DSCAML1: variants seen among roughly 807,000 people sequenced by gnomAD.
DSCAML1 encodes DS cell adhesion molecule like 1.
In DSCAML1, 38 loss-of-function variants were observed where a neutral mutation model predicts 200.5. The ratio of observed to expected loss-of-function variants is 0.19; its 90% CI spans 0.15 to 0.25. DSCAML1 has a LOEUF of 0.25. Among genes scored for constraint, DSCAML1 ranks in the 10% least tolerant of loss-of-function variants. The pLI, the probability that DSCAML1 is intolerant of heterozygous loss-of-function variation, is 1.00. For synonymous variants in DSCAML1, 1,215 were observed against 1,165.0 expected, an observed-to-expected ratio of 1.04 and a Z score of -0.87; for missense variants, 2,223 against 2,858.8, an observed-to-expected ratio of 0.78 and a Z score of 5.07.
chr11:117,656,544 T>TATCTATCTATCTATCTATCTATCC (rs1382846140), intron 3 of DSCAML1, among the ~76,000 whole-genome samples: 1 of 141,316 alleles, frequency 7.1e-6, no homozygotes, highest in African/African-American at 2.6e-5. Flanking sequence ...TCTATCTATC[T>TATCTATCTATCTATCTATCTATCC]ATCCATCCAT....
intron 3 of DSCAML1, among the ~76,000 whole-genome samples, chr11:117,627,473 G>A (rs2052073691): frequency 6.6e-6 from 1 of 152,074 alleles, no homozygotes; most frequent in Non-Finnish European, 1.5e-5. Flanking sequence ...CGGGAGAGGT[G>A]CCCAGTCGCA....
In DSCAML1 at chr11:117,437,168, G is replaced by C; in HGVS notation, c.4674C>G (p.Gly1558=). ...ELRMRACNSA[G]CGNETAQFAT... ...CGAACTGGGCTGTTTCATTGCCGCAGCCCGCACTGTTGCAAGCCCTCATGC... is the reference window on the plus strand; with the variant it reads ...CGAACTGGGCTGTTTCATTGCCGCACCCCGCACTGTTGCAAGCCCTCATGC... The change falls in exon 26 of 33, where the codon GGC becomes GGG. Residue 1558 remains glycine, a synonymous_variant. Transcript: ENST00000651296. The surrounding 1 kb of genome is among the most constrained non-coding windows in gnomAD (Gnocchi z 5.3). 6.2e-7 allele frequency: 1 copy of C among 1,614,170 alleles called. No homozygotes were observed. Among genetic ancestry groups the C allele is most frequent in the East Asian group, 2.2e-5 (1 of 44,886 alleles).
At chr11:117,798,808 C>T (rs1049254162), upstream of DSCAML1, among the ~76,000 whole-genome samples, 1 of 152,106 alleles carries the variant, frequency 6.6e-6, no homozygotes, top group Non-Finnish European at 1.5e-5. Flanking sequence ...TTCAAGGCCA[C>T]CAAGGTTGTA....
chr11:117,536,358 C>T (rs1266162031), intron 3 of DSCAML1, among the ~76,000 whole-genome samples: 2 of 152,212 alleles, frequency 1.3e-5, no homozygotes, highest in Non-Finnish European at 2.9e-5. Context: ...GCTGGCAGCC[C>T]ATGCTCTGCA....
chr11:117,731,456 C>T (rs1040824585), intron 3 of DSCAML1, among the ~76,000 whole-genome samples: 6 of 152,220 alleles, frequency 3.9e-5, no homozygotes, highest in Non-Finnish European at 7.3e-5. Flanking sequence ...TTCTGAACCA[C>T]TGAAGTCATC....
intron 11 of DSCAML1, among the ~76,000 whole-genome samples, chr11:117,492,723 C>T (rs751966813): frequency 1.3e-5 from 2 of 152,128 alleles, no homozygotes; most frequent in Non-Finnish European, 2.9e-5. Context: ...GGGTGGTCGG[C>T]GGGGCGGGTG....
At chr11:117,540,241 G>A (rs1168905540) in intron 3 of DSCAML1, among the ~76,000 whole-genome samples, 1 of 152,174 alleles carries the variant, frequency 6.6e-6, no homozygotes, top group African/African-American at 2.4e-5. Context: ...AGTGGCAGGC[G>A]AGCGAGCATT....
At chr11:117,673,459 T>C (rs564733039) in intron 3 of DSCAML1, among the ~76,000 whole-genome samples, 1 of 152,134 alleles carries the variant, frequency 6.6e-6, no homozygotes, top group South Asian at 2.1e-4. Context: ...TTCATGGGGG[T>C]TTATCCCAAG....
At chr11:117,546,802 C>A (rs376982304) in intron 3 of DSCAML1, among the ~76,000 whole-genome samples, 21 of 152,122 alleles carry the variant, frequency 1.4e-4, no homozygotes, top group East Asian at 1.2e-3. Flanking sequence ...CTTTCTCTAC[C>A]CCAGGATTAG....
intron 3 of DSCAML1, among the ~76,000 whole-genome samples, chr11:117,597,747 C>T (rs1017849154): frequency 2.6e-5 from 4 of 152,156 alleles, no homozygotes; most frequent in Admixed American, 1.3e-4. Flanking sequence ...TGAACCACCA[C>T]ACCTGGCTAA....
At chr11:117,537,267 G>C (rs930824353) in intron 3 of DSCAML1, among the ~76,000 whole-genome samples, 10 of 152,228 alleles carry the variant, frequency 6.6e-5, no homozygotes, top group Non-Finnish European at 1.0e-4. Context: ...AGTGTCTCCA[G>C]GTCTTGGTCT....
At chr11:117,499,232 G>T (rs2049351288) in intron 11 of DSCAML1, among the ~76,000 whole-genome samples, 1 of 152,146 alleles carries the variant, frequency 6.6e-6, no homozygotes. Context: ...TTTTAAAAGG[G>T]AAATAAAAGG....
chr11:117,581,964 C>T (rs978208302), intron 3 of DSCAML1, among the ~76,000 whole-genome samples: 9 of 152,100 alleles, frequency 5.9e-5, no homozygotes, highest in African/African-American at 2.2e-4. Context: ...AGACCCATAC[C>T]AGATCCCTAG....
At chr11:117,752,590 T>G (rs1344377842) in intron 3 of DSCAML1, among the ~76,000 whole-genome samples, 1 of 152,142 alleles carries the variant, frequency 6.6e-6, no homozygotes, top group East Asian at 1.9e-4. Flanking sequence ...ATGTCTTCTT[T>G]GGTGGTTGGT....
At chr11:117,804,758 C>T (rs1434233323) in intron 1 of DSCAML1, among the ~76,000 whole-genome samples, 2 of 152,068 alleles carry the variant, frequency 1.3e-5, no homozygotes, top group Non-Finnish European at 2.9e-5. Flanking sequence ...CATGGAGACC[C>T]ATCTCTACAA....
At chr11:117,474,793 C>T (rs1459107487) in intron 14 of DSCAML1, among the ~76,000 whole-genome samples, 13 of 147,964 alleles carry the variant, frequency 8.8e-5, no homozygotes, top group African/African-American at 2.5e-4. Context: ...CTCGCTCTGT[C>T]GCCCAGGCTG....
intron 3 of DSCAML1, among the ~76,000 whole-genome samples, chr11:117,636,300 TG>T (rs1337528244): frequency 6.6e-6 from 1 of 152,048 alleles, no homozygotes; most frequent in Non-Finnish European, 1.5e-5. Flanking sequence ...TTTTTAAGAG[TG>T]GAGCGGCAAG....
intron 3 of DSCAML1, among the ~76,000 whole-genome samples, chr11:117,545,704 T>C (rs145213423): frequency 6.6e-6 from 1 of 152,010 alleles, no homozygotes; most frequent in Non-Finnish European, 1.5e-5. Flanking sequence ...GGCCAGGAGC[T>C]GAGGGGAGGC....
chr11:117,520,955 T>C (rs1246467374), intron 6 of DSCAML1, among the ~76,000 whole-genome samples, 175 bp downstream of exon 6: 5 of 152,134 alleles, frequency 3.3e-5, no homozygotes, highest in Non-Finnish European at 5.9e-5. Context: ...ATTAAAAAGA[T>C]TTAAATATAA....
Sources: gnomAD v4.1 joint callset for allele counts (sites outside exome capture counted in the v4.1 genomes callset) on GRCh38, gnomAD v4.1.1 for gene constraint, Gnocchi (gnomAD v3.1) non-coding constraint, MANE v1.5 for transcripts, NCBI Gene and HGNC (gene_info 2026-07-23, HGNC 2026-07-21) for gene names.